Variants in LILRB3 observed in about 807,000 individuals in gnomAD.
The protein encoded by LILRB3 is leukocyte immunoglobulin like receptor B3.
A neutral mutation model predicts 68.2 loss-of-function variants in LILRB3; 32 were observed. The observed-to-expected ratio is 0.47, with a 90% CI of 0.35 to 0.63. The LOEUF is 0.63. Ranked by LOEUF, LILRB3 falls within the 30% of genes least tolerant of loss-of-function variation. The probability of loss-of-function intolerance (pLI) is 0.00; values close to 1 mark genes in which losing one functional copy is unlikely to be tolerated. For synonymous variants in LILRB3, 185 were observed against 323.1 expected, an observed-to-expected ratio of 0.57 and a Z score of 4.58; for missense variants, 502 against 791.3, an observed-to-expected ratio of 0.63 and a Z score of 4.39.
chr19:54,219,345 C>T, intron 7 of LILRB3, 100 bp from the exon 8 acceptor site: 2 of 1,478,934 alleles, frequency 1.4e-6, no homozygotes, highest in Non-Finnish European at 1.8e-6. Flanking sequence ...CTCCAACCCT[C>T]ACAAGCAGTC....
At chr19:54,219,784 C>A (rs1478372445) in intron 7 of LILRB3, 3 of 1,508,618 alleles carry the variant, frequency 2.0e-6, no homozygotes, top group Non-Finnish European at 2.7e-6. Context: ...ACATCACCAC[C>A]TCCAGAGGAG....
exon 6 of LILRB3, chr19:54,220,649 A>C: frequency 3.3e-6 from 5 of 1,538,034 alleles, no homozygotes; most frequent in Non-Finnish European, 4.4e-6. Flanking sequence ...TGGGGAATTC[A>C]GCCTGGTACT....
At chr19:54,222,168 C>A in intron 3 of LILRB3, 38 bp from the exon 4 acceptor site, 1 of 1,610,558 alleles carries the variant, frequency 6.2e-7, no homozygotes, top group Non-Finnish European at 8.5e-7. Flanking sequence ...ATGGGGCTCC[C>A]ACCTCCCACA....
chr19:54,218,398 T>C (rs749665394), exon 11 of LILRB3: 3 of 1,614,072 alleles, frequency 1.9e-6, no homozygotes, highest in Non-Finnish European at 8.5e-7. Flanking sequence ...AGACTGTGTG[T>C]CCTTCACAGC....
At chr19:54,219,661 C>T in intron 7 of LILRB3, 1 of 1,482,916 alleles carries the variant, frequency 6.7e-7, no homozygotes, top group Non-Finnish European at 9.0e-7. Context: ...GGGAGGCCTC[C>T]TCTCCCAGGA....
At chr19:54,219,463 T>C in intron 7 of LILRB3, 4 of 1,544,550 alleles carry the variant, frequency 2.6e-6, no homozygotes, top group Non-Finnish European at 3.5e-6. Flanking sequence ...GCGGCAGAGC[T>C]GGGAAGGGAG....
intron 11 of LILRB3, among the ~76,000 whole-genome samples, chr19:54,217,874 C>T (rs1350892518): frequency 1.3e-5 from 2 of 152,040 alleles, no homozygotes; most frequent in African/African-American, 2.4e-5. Flanking sequence ...CTGCCCTTTC[C>T]CTGGTGTATG....
At chr19:54,222,883 G>C in intron 1 of LILRB3, 60 bp downstream of exon 1, 3 of 1,612,612 alleles carry the variant, frequency 1.9e-6, no homozygotes, top group Middle Eastern at 1.7e-4. Flanking sequence ...ACCAGGGCTT[G>C]TGTGTGGGGT....
At chr19:54,222,847 C>G (rs1188914882) in intron 1 of LILRB3, 65 bp from the exon 2 acceptor site, 1 of 1,612,604 alleles carries the variant, frequency 6.2e-7, no homozygotes, top group Admixed American at 1.7e-5. Context: ...CCGGGTGCCT[C>G]CTGAGCTTTT....
At chr19:54,219,894 G>C in intron 7 of LILRB3, 4 of 1,548,308 alleles carry the variant, frequency 2.6e-6, no homozygotes, top group Non-Finnish European at 3.5e-6. Context: ...ACCCTGGGGG[G>C]TTAAGGGGCT....
At chr19:54,217,067 A>C (rs773723937) in exon 13 of LILRB3, 1 of 1,613,978 alleles carries the variant, frequency 6.2e-7, no homozygotes, top group South Asian at 1.1e-5. Flanking sequence ...CCTTCTGCTG[A>C]GTGTGGGGTC....
At chr19:54,218,986 C>T (rs1292507249) in intron 8 of LILRB3, 143 bp downstream of exon 8, 2 of 1,524,672 alleles carry the variant, frequency 1.3e-6, no homozygotes, top group East Asian at 2.3e-5. Flanking sequence ...CCCATGAATA[C>T]TGAAGTTTGT....
chr19:54,217,628 T>C, intron 11 of LILRB3, 154 bp from the exon 12 acceptor site: 1 of 1,099,006 alleles, frequency 9.1e-7, no homozygotes, highest in Non-Finnish European at 1.3e-6. Flanking sequence ...GGCCGCTCCC[T>C]CCCTGTGGTT....
At chr19:54,217,457 G>A (rs776864985) in exon 12 of LILRB3, 3 of 1,609,470 alleles carry the variant, frequency 1.9e-6, no homozygotes, top group Admixed American at 3.3e-5. Flanking sequence ...CTGCCTGGGG[G>A]TCTTCATCGT....
exon 3 of LILRB3, chr19:54,222,299 G>T (rs1357870902): frequency 2.5e-6 from 4 of 1,610,682 alleles, no homozygotes; most frequent in South Asian, 2.2e-5. Context: ...AGCTCCAGGG[G>T]GTCGCTGGGC....
chr19:54,219,041 C>G, intron 8 of LILRB3, 88 bp downstream of exon 8: 1 of 1,533,980 alleles, frequency 6.5e-7, no homozygotes, highest in Non-Finnish European at 8.8e-7. Flanking sequence ...GTTTTCTAAA[C>G]TGACACCCCT....
rs756122244 is a variant in LILRB3 at position 54,217,150 on chromosome 19, G to T, written c.1839C>A (p.Ser613=). ...GCTCAGCTGGAGGTTCCCCTTCCTGGGATGGAGGAGGCTCAGTTGCCTTCC... is the reference window on the plus strand; with the variant it reads ...GCTCAGCTGGAGGTTCCCCTTCCTGTGATGGAGGAGGCTCAGTTGCCTTCC... Residue 613 remains serine (S), a synonymous_variant, in exon 13 of 13, where the codon TCC becomes TCA. Coordinates refer to ENST00000445347, the Ensembl canonical transcript of LILRB3. 2.5e-6 allele frequency: 4 copies of T among 1,614,108 alleles called. No homozygotes were observed. The Admixed American group carries it at 6.7e-5, about 27-fold the overall frequency.
At chr19:54,216,729 G>T (rs1460592528) in exon 13 of LILRB3, 3 of 1,136,774 alleles carry the variant, frequency 2.6e-6, no homozygotes, top group South Asian at 5.5e-5. Flanking sequence ...TGTCACACAG[G>T]CTGGAGTGCA....
chr19:54,219,153 G>C (rs756890967), exon 8 of LILRB3: 8 of 1,605,876 alleles, frequency 5.0e-6, no homozygotes, highest in East Asian at 2.2e-5. Flanking sequence ...TTGCTGTGAC[G>C]CTGACGGAGG....
Sources: allele counts gnomAD v4.1 joint callset (sites outside exome capture counted in the v4.1 genomes callset), GRCh38; gene constraint gnomAD v4.1.1; transcripts MANE v1.5; gene names NCBI Gene and HGNC (gene_info 2026-07-23, HGNC 2026-07-21).